Variants in RGS5 observed in about 807,000 individuals in gnomAD.
RGS5 encodes the protein regulator of G protein signaling 5.
A neutral mutation model predicts 18.9 loss-of-function variants in RGS5; 20 were observed. The observed-to-expected ratio is 1.06, with a 90% confidence interval of 0.74 to 1.54. The LOEUF (loss-of-function observed/expected upper bound fraction) is 1.54, where lower values mean the gene tolerates loss of function less well. RGS5 is among the 40% of genes most tolerant of loss of function. RGS5 has a pLI of 0.00. For synonymous variants in RGS5, 57 were observed against 76.2 expected (o/e 0.75, Z 1.31); for missense variants, 201 against 211.8 (o/e 0.95, Z 0.32).
chr1:163,231,638 GA>G (rs1489056625), intron 2 of RGS5, among the ~76,000 whole-genome samples: 1 of 151,676 alleles, frequency 6.6e-6, no homozygotes, highest in Admixed American at 6.6e-5. Flanking sequence ...AGAATAAACT[GA>G]ACTTATTTGG....
intron 2 of RGS5, among the ~76,000 whole-genome samples, chr1:163,268,649 C>A (rs1648634562): frequency 6.6e-6 from 1 of 152,086 alleles, no homozygotes; most frequent in African/African-American, 2.4e-5. Context: ...GACCACCTAC[C>A]TGACAGCTAG....
intron 1 of RGS5, among the ~76,000 whole-genome samples, chr1:163,195,716 A>G (rs1659537998): frequency 6.6e-6 from 1 of 151,952 alleles, no homozygotes. Context: ...GATAAAAAGG[A>G]GTAAGTTTTA....
At chr1:163,195,110 C>A (rs1489091137) in intron 1 of RGS5, among the ~76,000 whole-genome samples, 4 of 152,110 alleles carry the variant, frequency 2.6e-5, no homozygotes, top group African/African-American at 4.8e-5. Flanking sequence ...GAAAAGAAGT[C>A]ATTATATGAA....
intron 2 of RGS5, among the ~76,000 whole-genome samples, chr1:163,162,506 A>T (rs1244231554): frequency 6.6e-6 from 1 of 151,684 alleles, no homozygotes; most frequent in East Asian, 1.9e-4. Context: ...GATTGTGATC[A>T]TAGCAAATTT....
intron 2 of RGS5, among the ~76,000 whole-genome samples, chr1:163,285,810 T>C (rs1402406362): frequency 6.6e-6 from 1 of 152,012 alleles, no homozygotes; most frequent in Non-Finnish European, 1.5e-5. Context: ...TCAGGCCATA[T>C]GAAGACCGTG....
intron 1 of RGS5, chr1:163,213,097 C>T (rs1036868543): frequency 3.9e-5 from 6 of 152,062 alleles, no homozygotes; most frequent in Admixed American, 1.3e-4. Flanking sequence ...ATTTAGTCTT[C>T]CCTTTTGCTG....
intron 1 of RGS5, among the ~76,000 whole-genome samples, chr1:163,185,279 T>C (rs1269059321): frequency 6.6e-6 from 1 of 152,148 alleles, no homozygotes; most frequent in Non-Finnish European, 1.5e-5. Context: ...AATTATTCCC[T>C]GGAGTCTTGC....
intron 2 of RGS5, among the ~76,000 whole-genome samples, chr1:163,282,066 CAA>C (rs1402581253): frequency 6.6e-6 from 1 of 150,532 alleles, no homozygotes; most frequent in Non-Finnish European, 1.5e-5. Flanking sequence ...CACACACACA[CAA>C]ACAAAAATAG....
intron 2 of RGS5, among the ~76,000 whole-genome samples, chr1:163,281,643 A>G (rs1648994005): frequency 6.6e-6 from 1 of 152,178 alleles, no homozygotes; most frequent in South Asian, 2.1e-4. Context: ...TCAACATGAG[A>G]TTTGCAGGGG....
At chr1:163,224,142 T>A (rs561845791) in intron 2 of RGS5, among the ~76,000 whole-genome samples, 1 of 152,076 alleles carries the variant, frequency 6.6e-6, no homozygotes. Context: ...TACTGTGCAA[T>A]AGAACACCAG....
intron 2 of RGS5, among the ~76,000 whole-genome samples, chr1:163,283,254 G>A (rs1256568414): frequency 6.6e-6 from 1 of 152,110 alleles, no homozygotes; most frequent in African/African-American, 2.4e-5. Flanking sequence ...ATACTTTAGT[G>A]TATGTGTTCA....
intron 2 of RGS5, among the ~76,000 whole-genome samples, chr1:163,233,657 T>C (rs1007552426): frequency 1.3e-5 from 2 of 152,130 alleles, no homozygotes; most frequent in African/African-American, 4.8e-5. Flanking sequence ...TTAGTTCTTA[T>C]AGGTTTGGGA....
At chr1:163,202,612 G>C (rs1557903438) in intron 1 of RGS5, among the ~76,000 whole-genome samples, 180 bp downstream of exon 1, 1 of 152,034 alleles carries the variant, frequency 6.6e-6, no homozygotes, top group Non-Finnish European at 1.5e-5. Flanking sequence ...CTCCTAGCTT[G>C]GATCTTTCAA....
chr1:163,230,244 C>T (rs1194391212), intron 2 of RGS5, among the ~76,000 whole-genome samples: 1 of 152,168 alleles, frequency 6.6e-6, no homozygotes, highest in Non-Finnish European at 1.5e-5. Context: ...CTTTGTACTT[C>T]ATATTAACAT....
At chr1:163,206,860 C>A (rs1382255933), upstream of RGS5, 1 of 152,104 alleles carries the variant, frequency 6.6e-6, no homozygotes, top group Non-Finnish European at 1.5e-5. Flanking sequence ...TATAGCAGCA[C>A]AAACTAAGAC....
chr1:163,187,175 T>A (rs1659125421), intron 1 of RGS5, among the ~76,000 whole-genome samples: 1 of 152,224 alleles, frequency 6.6e-6, no homozygotes, highest in Non-Finnish European at 1.5e-5. Flanking sequence ...AGATAAAAGC[T>A]GAGCTATACT....
intron 3 of RGS5, chr1:163,161,645 C>A (rs1485018308): frequency 3.1e-6 from 1 of 327,506 alleles, no homozygotes; most frequent in South Asian, 4.3e-5. Flanking sequence ...TGTTCTGGCT[C>A]ATGCAAGTAA....
rs1197366880 is a variant in RGS5, at chr1:163,144,745, T to G, written c.*2597A>C. ...CAGAATTAAAAGAATGTATTTTATC[T>G]GTATTACCATGGAAATTACTAGTAA... On this transcript the variant is annotated 3_prime_UTR_variant, in exon 5 of 5. Coordinates refer to ENST00000313961, the MANE Select transcript of RGS5 (RefSeq NM_003617.4). The G allele has an allele frequency of 1.3e-5, 2 of 152,636 alleles. No individual in the cohort carries two copies. The highest frequency in any genetic ancestry group is 2.4e-5 in the African/African-American group (1 of 41,472). 9.5% of individuals were successfully genotyped at this position (152,636 alleles called of 1,614,324 possible).
intron 2 of RGS5, among the ~76,000 whole-genome samples, chr1:163,296,437 C>T (rs1006249674): frequency 7.2e-5 from 11 of 152,158 alleles, no homozygotes; most frequent in African/African-American, 2.7e-4. Flanking sequence ...AAAATAAAGA[C>T]TGCCCCTTTA....
Sources: allele counts gnomAD v4.1 joint callset (sites outside exome capture counted in the v4.1 genomes callset), GRCh38; gene constraint gnomAD v4.1.1; transcripts MANE v1.5; gene names NCBI Gene and HGNC (gene_info 2026-07-23, HGNC 2026-07-21).